PCDH15: variants seen among roughly 807,000 people sequenced by gnomAD.
The protein encoded by PCDH15 is protocadherin-15.
In PCDH15, 129 loss-of-function variants were observed where a neutral mutation model predicts 178.5. The ratio of observed to expected loss-of-function variants is 0.72; its 90% CI spans 0.63 to 0.84. The LOEUF (loss-of-function observed/expected upper bound fraction) is 0.84. PCDH15 is among the 40% of genes least tolerant of loss of function. The probability of loss-of-function intolerance (pLI) is 0.00; values close to 1 mark genes in which losing one functional copy is unlikely to be tolerated. For synonymous variants in PCDH15, 800 were observed against 732.0 expected (o/e 1.09, Z -1.50); for missense variants, 2,230 against 2,099.9 (o/e 1.06, Z -1.21).
At chr10:54,418,281 T>C (rs1331790728) in intron 3 of PCDH15, among the ~76,000 whole-genome samples, 1 of 152,144 alleles carries the variant, frequency 6.6e-6, no homozygotes, top group Non-Finnish European at 1.5e-5. Flanking sequence ...ATTTTGACTG[T>C]TTGTAGTCAT....
At chr10:54,438,348 G>T (rs1443046478) in intron 3 of PCDH15, among the ~76,000 whole-genome samples, 14 of 148,174 alleles carry the variant, frequency 9.4e-5, no homozygotes, top group Non-Finnish European at 1.9e-4. Context: ...TTCTTCTGTC[G>T]GGGAGTGAAT....
At chr10:55,228,192 G>T (rs948796119) in intron 1 of PCDH15, among the ~76,000 whole-genome samples, 2 of 151,996 alleles carry the variant, frequency 1.3e-5, no homozygotes, top group Admixed American at 1.3e-4. Flanking sequence ...CATGTATCAT[G>T]TTGCATACAT....
chr10:54,279,673 T>C (rs1174498157), intron 8 of PCDH15, among the ~76,000 whole-genome samples: 2 of 151,694 alleles, frequency 1.3e-5, no homozygotes, highest in Non-Finnish European at 3.0e-5. Context: ...TCACTCACTT[T>C]CCCATTACAA....
chr10:54,901,089 G>T (rs1954631242), intron 2 of PCDH15, among the ~76,000 whole-genome samples: 1 of 139,728 alleles, frequency 7.2e-6, no homozygotes, highest in African/African-American at 2.7e-5. Flanking sequence ...CGAGGCAGGT[G>T]TATCACTTGA....
At chr10:54,724,867 G>A (rs1942233575) in intron 1 of PCDH15, among the ~76,000 whole-genome samples, 1 of 150,350 alleles carries the variant, frequency 6.7e-6, no homozygotes, top group African/African-American at 2.4e-5. Flanking sequence ...TGGGGATTGG[G>A]CTTCTACTCT....
chr10:54,801,970 A>T (rs1420959074), upstream of PCDH15, among the ~76,000 whole-genome samples: 1 of 152,234 alleles, frequency 6.6e-6, no homozygotes, highest in Non-Finnish European at 1.5e-5. Context: ...TATCTTGCAT[A>T]GTACATATTT....
At chr10:55,027,019 G>C (rs899135720) in intron 2 of PCDH15, among the ~76,000 whole-genome samples, 1 of 151,892 alleles carries the variant, frequency 6.6e-6, no homozygotes, top group Non-Finnish European at 1.5e-5. Context: ...TCTGCATTTG[G>C]AGCATAAGAG....
intron 2 of PCDH15, among the ~76,000 whole-genome samples, chr10:55,399,224 A>G (rs1013820752): frequency 6.6e-6 from 1 of 152,148 alleles, no homozygotes; most frequent in African/African-American, 2.4e-5. Context: ...TTAATAGTAA[A>G]TTCTTGGGAT....
At chr10:55,485,889 G>A (rs546676330) in intron 2 of PCDH15, among the ~76,000 whole-genome samples, 2 of 151,698 alleles carry the variant, frequency 1.3e-5, no homozygotes, top group African/African-American at 4.8e-5. Flanking sequence ...CTGGAACTTC[G>A]ATAACCATAG....
At position 54,151,156 on chromosome 10, in the gene PCDH15, A is replaced by G. The variant is rs544455277; in HGVS notation, c.1784+1944T>C. ...TTAATAGTTTTTAAAACCATAGACC[A>G]ATCTAATGGGGAAACACTGAGGCAG... On this transcript the variant is annotated intron_variant, in intron 14 of 37. Coordinates refer to ENST00000644397, the MANE Select transcript of PCDH15 (RefSeq NM_001384140.1). Among the ~76,000 whole-genome samples the G allele has an allele frequency of 3.3e-5, 5 of 152,322 alleles. No homozygotes were observed. In the East Asian group the frequency reaches 7.7e-4, roughly 23 times the overall value.
chr10:54,068,296 T>A (rs1220491587), intron 17 of PCDH15, among the ~76,000 whole-genome samples: 1 of 152,228 alleles, frequency 6.6e-6, no homozygotes, highest in Non-Finnish European at 1.5e-5. Context: ...TGATGGCTTA[T>A]TTCTTTATTT....
chr10:54,542,170 G>A (rs1930165), intron 2 of PCDH15, among the ~76,000 whole-genome samples: 67,145 of 151,992 alleles, frequency 0.44, 15,462 homozygotes, highest in East Asian at 0.75. Flanking sequence ...TCCTACTTAA[G>A]TGAAGTAATA....
At chr10:54,453,039 A>G in intron 3 of PCDH15, among the ~76,000 whole-genome samples, 1 of 152,084 alleles carries the variant, frequency 6.6e-6, no homozygotes, top group East Asian at 1.9e-4. Context: ...TATAAGGAAC[A>G]CTTTTACACT....
intron 4 of PCDH15, among the ~76,000 whole-genome samples, chr10:54,373,511 C>T (rs961901398): frequency 6.6e-6 from 1 of 151,812 alleles, no homozygotes; most frequent in Non-Finnish European, 1.5e-5. Flanking sequence ...GAAGATATTA[C>T]CTAAAAAGAA....
chr10:55,170,915 C>A (rs953608136), intron 1 of PCDH15, among the ~76,000 whole-genome samples: 1 of 152,032 alleles, frequency 6.6e-6, no homozygotes, highest in African/African-American at 2.4e-5. Context: ...AAAAAGAAAG[C>A]GTAATTGATT....
chr10:55,591,339 G>A lies in PCDH15; in HGVS notation c.-156+36286C>T, dbSNP rs77053092. On this transcript the variant is annotated intron_variant, in intron 2 of 5. Coordinates refer to the PCDH15 transcript ENST00000613346. ...AGCCTAAGTTACTCTGGAGGCTGAG[G>A]TAGGAGGCTTGCTTGAGCCCAGGAG... 9.3e-4 allele frequency among the ~76,000 whole-genome samples: 141 copies of A among 152,200 alleles called. No individual in the cohort carries two copies. In the East Asian group the frequency reaches 0.015, roughly 16 times the overall value.
rs376975327 is a variant in PCDH15 at position 55,376,953 on chromosome 10, C to T, written c.-155-210302G>A. Among the ~76,000 whole-genome samples the T allele has an allele frequency of 4.0e-5, 6 of 151,796 alleles. No individual in the cohort carries two copies. The South Asian group carries it at 1.2e-3, about 32-fold the overall frequency. ...TTTGCTTCCTGGCTTAAAATTATAA[C>T]CCTATTTTTAAAAAACTAGCTATTA... On this transcript the variant is annotated intron_variant, in intron 2 of 5. Coordinates refer to the PCDH15 transcript ENST00000613346.
intron 23 of PCDH15, among the ~76,000 whole-genome samples, chr10:53,955,265 G>T (rs2087499722): frequency 6.6e-6 from 1 of 152,112 alleles, no homozygotes; most frequent in African/African-American, 2.4e-5. Flanking sequence ...TGAAGATGGT[G>T]ACCCCTGAGT....
chr10:54,613,410 G>C (rs2093027620), intron 2 of PCDH15, among the ~76,000 whole-genome samples: 1 of 151,698 alleles, frequency 6.6e-6, no homozygotes, highest in Non-Finnish European at 1.5e-5. Context: ...GATTCACTTT[G>C]TGGCATAAGT....
Sources: gnomAD v4.1 joint callset for allele counts (sites outside exome capture counted in the v4.1 genomes callset) on GRCh38, gnomAD v4.1.1 for gene constraint, MANE v1.5 for transcripts, NCBI Gene and HGNC (gene_info 2026-07-23, HGNC 2026-07-21) for gene names.